EIF3G: variants seen among roughly 807,000 people sequenced by gnomAD.
The protein encoded by EIF3G is eukaryotic translation initiation factor 3 RNA-binding subunit.
Under a neutral mutation model 41.7 loss-of-function variants are expected in EIF3G, and 10 were observed. The observed-to-expected ratio is 0.24, with a 90% CI of 0.15 to 0.41. EIF3G has a LOEUF of 0.41. Ranked by LOEUF, EIF3G falls within the 10% of genes least tolerant of loss-of-function variation. The pLI is 1.00. For missense variants in EIF3G, 297 were observed against 444.0 expected, an observed-to-expected ratio of 0.67 and a Z score of 2.98; for synonymous variants, 204 against 172.5, an observed-to-expected ratio of 1.18 and a Z score of -1.43.
At position 10,115,986 on chromosome 19, in the gene EIF3G, G is replaced by A; in HGVS notation, c.684C>T (p.Ser228=). 2 of 1,613,510 alleles carry A rather than the reference G, an allele frequency of 1.2e-6. No homozygotes were observed. Among genetic ancestry groups the A allele is most frequent in the Non-Finnish European group, 8.5e-7 (1 of 1,179,782 alleles). Residue 228 remains serine, a synonymous_variant, in exon 8 of 11, where the codon TCC becomes TCT. Transcript: ENST00000253108. The part of the protein sequence containing the change: ...LRDGASRRGE[S]MQPNRRADDN... ...CCTCACCTCTGCGGTTGGGCTGCAT[G>A]GACTCCCCGCGGCGGCTGGCCCCGT...
rs1189447168 is a variant in EIF3G, at chr19:10,119,706, G to C, written c.21-6C>G. ...CGGCCCAACTGGGCTTCGAACTGCG[G>C]AAACAAATGTGTGGGGAACGAAGAT... On this transcript the variant is annotated splice_polypyrimidine_tract_variant and splice_region_variant and intron_variant, in intron 1 of 10. Coordinates refer to ENST00000253108, the MANE Select transcript of EIF3G (RefSeq NM_003755.5). The C allele has an allele frequency of 4.4e-6, 7 of 1,608,308 alleles. No individual in the cohort carries two copies. The highest frequency in any genetic ancestry group is 6.0e-6 in the Non-Finnish European group (7 of 1,175,670).
At position 10,118,642 on chromosome 19, in the gene EIF3G, T is replaced by TAAC. The variant is rs2089279190; in HGVS notation, c.300+25_300+26insGTT. 3 of 1,613,532 alleles carry TAAC rather than the reference T, an allele frequency of 1.9e-6. No homozygotes were observed. In the South Asian group the frequency reaches 3.3e-5, roughly 18 times the overall value. Reference sequence around the variant, plus strand: ...AGCACGGTTTTCCAATTCCTCTAGGTTAGCCCTGGGGAAGAAGAGCCTCAC... The same window carrying TAAC: ...AGCACGGTTTTCCAATTCCTCTAGGTAACTAGCCCTGGGGAAGAAGAGCCTCAC... On this transcript the variant is annotated intron_variant, in intron 5 of 10. Transcript: ENST00000253108.
At position 10,117,091 on chromosome 19, in the gene EIF3G, C is replaced by T. The variant is rs376758358; in HGVS notation, c.398G>A (p.Ser133Asn). Residue 133 changes from serine to asparagine, a missense_variant, in exon 6 of 11, where the codon AGC (serine) becomes AAC (asparagine). Physicochemically the swap from Ser to Asn is conservative, Grantham distance 46 (BLOSUM62 1). This residue lies in a region of EIF3G where 26 missense variants were observed against 80.8 expected (regional missense o/e 0.32). Coordinates refer to ENST00000253108, the MANE Select transcript of EIF3G (RefSeq NM_003755.5). ...CCTGATTGCCCCGCTTACCTCTTTG[C>T]TGGTGATGAACGTCATAGAGACATC... ...SDDVSMTFIT[S>N]KEDLNCQEEE... 5.6e-6 allele frequency: 9 copies of T among 1,613,274 alleles called. No homozygotes were observed. The highest frequency in any genetic ancestry group is 2.2e-5 in the South Asian group (2 of 90,980).
chr19:10,117,036 C>G (rs983508264), intron 6 of EIF3G, 47 bp from the exon 7 acceptor site: 8 of 1,605,706 alleles, frequency 5.0e-6, no homozygotes, highest in Non-Finnish European at 6.8e-6. Flanking sequence ...TAAGGCACCC[C>G]CTTTGCCCCA....
chr19:10,116,744 G>T lies in EIF3G; in HGVS notation c.595+56C>A. The stretch of plus-strand genomic sequence containing the variant: ...GTCGTGCGGGAGATGACAGCACGAA[G>T]GCAGCAGTGGGGACAGAACCCGTGC... On this transcript the variant is annotated intron_variant, in intron 7 of 10. Coordinates refer to ENST00000253108, the MANE Select transcript of EIF3G (RefSeq NM_003755.5). This position sits in a 1 kb window ranked among gnomAD's most constrained non-coding sequence, Gnocchi z 4.1. 1 of 1,490,488 alleles carries T rather than the reference G, an allele frequency of 6.7e-7. No homozygotes were observed. The highest frequency in any genetic ancestry group is 9.0e-7 in the Non-Finnish European group (1 of 1,111,988). 92.3% of individuals were successfully genotyped at this position (1,490,488 alleles called of 1,614,324 possible). A position where few individuals can be genotyped will look rare whatever the true frequency, so the allele number is the denominator to read the frequency against.
intron 10 of EIF3G, 143 bp downstream of exon 10, chr19:10,115,336 T>A: frequency 8.5e-7 from 1 of 1,172,622 alleles, no homozygotes; most frequent in Non-Finnish European, 1.2e-6. Context: ...TGCCCGGTTT[T>A]GGAAAAAAAC....
intron 10 of EIF3G, 129 bp downstream of exon 10, chr19:10,115,346 CAATA>C (rs2089223363): frequency 2.5e-6 from 3 of 1,203,188 alleles, no homozygotes; most frequent in African/African-American, 1.5e-5. Flanking sequence ...TGGAAAAAAA[CAATA>C]AAGGACTGTC....
intron 8 of EIF3G, 33 bp from the exon 9 acceptor site, chr19:10,115,853 G>T (rs374215335): frequency 6.2e-7 from 1 of 1,607,734 alleles, no homozygotes; most frequent in Non-Finnish European, 8.5e-7. Flanking sequence ...CTGTGAGGGG[G>T]AGGACACTGC....
chr19:10,119,437 T>C (rs762726481), intron 2 of EIF3G: 2 of 763,662 alleles, frequency 2.6e-6, no homozygotes, highest in South Asian at 2.9e-5. Context: ...TACAACTTCC[T>C]CCCTGGAGGG....
chr19:10,115,464 G>A lies in EIF3G; in HGVS notation c.947+15C>T, dbSNP rs765829507. On this transcript the variant is annotated intron_variant, in intron 10 of 10. Coordinates refer to ENST00000253108, the MANE Select transcript of EIF3G (RefSeq NM_003755.5). Reference sequence around the variant, plus strand: ...AAGGCAGGGAGCAGGGGCTGGGGCAGGGATGGAGTCTTACTTGGCCCACTC... The same window carrying A: ...AAGGCAGGGAGCAGGGGCTGGGGCAAGGATGGAGTCTTACTTGGCCCACTC... The A allele has an allele frequency of 2.5e-6, 4 of 1,597,646 alleles. No individual in the cohort carries two copies. Among genetic ancestry groups the A allele is most frequent in the South Asian group, 1.1e-5 (1 of 88,236 alleles).
intron 8 of EIF3G, 43 bp from the exon 9 acceptor site, chr19:10,115,863 C>T (rs772839578): frequency 7.6e-5 from 121 of 1,582,638 alleles, no homozygotes; most frequent in Middle Eastern, 3.5e-4. Flanking sequence ...GAGGACACTG[C>T]CCAGCCCTCG....
chr19:10,116,002 C>T lies in EIF3G; in HGVS notation c.668G>A (p.Ser223Asn), dbSNP rs1368054693. 5 of 1,613,614 alleles carry T rather than the reference C, an allele frequency of 3.1e-6. No homozygotes were observed. Residue 223 changes from serine to asparagine, a missense_variant, in exon 8 of 11, where the codon AGC becomes AAC. Physicochemically the swap from Ser to Asn is conservative, Grantham distance 46. Coordinates refer to ENST00000253108, the MANE Select transcript of EIF3G (RefSeq NM_003755.5). This position sits in a 1 kb window ranked among gnomAD's most constrained non-coding sequence, Gnocchi z 4.1. ...YVPPSLRDGASRRGESMQPNR... is the reference protein window; with the variant it reads ...YVPPSLRDGANRRGESMQPNR... ...GGGCTGCATGGACTCCCCGCGGCGG[C>T]TGGCCCCGTCGCGCAGGCTCGGCGG...
chr19:10,117,271 C>G, intron 5 of EIF3G, 83 bp from the exon 6 acceptor site: 1 of 1,008,078 alleles, frequency 9.9e-7, no homozygotes, highest in Non-Finnish European at 1.5e-6. Context: ...CTACAACAGC[C>G]ACCCCCAGAG....
Position 10,119,110 on chromosome 19 carries a change from T to C in EIF3G, c.129A>G (p.Pro43=). The change falls in exon 3 of 11, where the codon CCA becomes CCG. Residue 43 remains proline (P), a synonymous_variant. Coordinates refer to ENST00000253108, the MANE Select transcript of EIF3G (RefSeq NM_003755.5). ...GIPLATGDTS[P]EPELLPGAPL... is the part of the protein sequence containing the mutation. ...CACCTCCCGGCAGTAGCTCTGGCTCTGGGCTGGTGTCACCTGTGGCCAGAG... is the reference window on the plus strand; with the variant it reads ...CACCTCCCGGCAGTAGCTCTGGCTCCGGGCTGGTGTCACCTGTGGCCAGAG... 1.2e-6 allele frequency: 2 copies of C among 1,602,252 alleles called. No homozygotes were observed. The highest frequency in any genetic ancestry group is 1.7e-6 in the Non-Finnish European group (2 of 1,173,868).
chr19:10,116,238 C>G lies in EIF3G; in HGVS notation c.596-164G>C. ...GGACACCAAGGTGACACCTGAGAAG[C>G]TGACACCATTTGAGCTCCCAGCCAG... On this transcript the variant is annotated intron_variant, in intron 7 of 10. Coordinates refer to ENST00000253108, the MANE Select transcript of EIF3G (RefSeq NM_003755.5). The surrounding 1 kb of genome is among the most constrained non-coding windows in gnomAD (Gnocchi z 4.1). 2 of 665,528 alleles carry G rather than the reference C, an allele frequency of 3.0e-6. No individual in the cohort carries two copies. The highest frequency in any genetic ancestry group is 1.9e-5 in the South Asian group (1 of 52,214). The allele number at this position is 665,528 out of a possible 1,614,324, so 41.2% of individuals were successfully genotyped here.
chr19:10,116,687 GGA>G lies in EIF3G; in HGVS notation c.595+111_595+112del, dbSNP rs2089256907. The stretch of plus-strand genomic sequence containing the variant: ...AATTAGGAAGGCACAGACGCCCCGA[GGA>G]GAGTCTGGCACCATCAAACCCGCTG... On this transcript the variant is annotated intron_variant, in intron 7 of 10. Coordinates refer to ENST00000253108, the MANE Select transcript of EIF3G (RefSeq NM_003755.5). This position sits in a 1 kb window ranked among gnomAD's most constrained non-coding sequence, Gnocchi z 4.1. 5 of 1,115,538 alleles carry G rather than the reference GGA, an allele frequency of 4.5e-6. No homozygotes were observed. The highest frequency in any genetic ancestry group is 6.3e-6 in the Non-Finnish European group (5 of 794,000). The allele number at this position is 1,115,538 out of a possible 1,614,324, so 69.1% of individuals were successfully genotyped here. A position where few individuals can be genotyped will look rare whatever the true frequency, so the allele number is the denominator to read the frequency against.
At chr19:10,119,366 A>C (rs2089286726) in intron 2 of EIF3G, 195 bp from the exon 3 acceptor site, 1 of 776,718 alleles carries the variant, frequency 1.3e-6, no homozygotes, top group South Asian at 1.5e-5. Context: ...CCCTCGTAGG[A>C]AGGTGGGTGC....
intron 8 of EIF3G, 37 bp downstream of exon 8, chr19:10,115,930 T>C (rs1599325218): frequency 1.2e-6 from 2 of 1,607,014 alleles, no homozygotes; most frequent in African/African-American, 2.7e-5. Context: ...TGCCGGGAGG[T>C]GCCCACCCAC....
chr19:10,119,795 C>T (rs1181967214), intron 1 of EIF3G, 45 bp downstream of exon 1: 1 of 1,614,234 alleles, frequency 6.2e-7, no homozygotes, highest in South Asian at 1.1e-5. Context: ...CTTCCCAGAG[C>T]ACCCCAACCG....
Sources: gnomAD v4.1 joint callset for allele counts on GRCh38, gnomAD v4.1.1 for gene constraint, gnomAD v4.1.1 regional missense constraint, Gnocchi (gnomAD v3.1) non-coding constraint, MANE v1.5 for transcripts, NCBI Gene and HGNC (gene_info 2026-07-23, HGNC 2026-07-21) for gene names.